The following SEMA4D variants were observed in gnomAD, a reference collection of about 807,000 sequenced individuals.
SEMA4D encodes semaphorin-4D.
In SEMA4D, 22 loss-of-function variants were observed where a neutral mutation model predicts 74.8. The observed-to-expected ratio is 0.29, with a 90% confidence interval of 0.21 to 0.42. The LOEUF (loss-of-function observed/expected upper bound fraction) is 0.42, where lower values mean the gene tolerates loss of function less well. Ranked by LOEUF, SEMA4D falls within the 10% of genes least tolerant of loss-of-function variation. The pLI, the probability that SEMA4D is intolerant of heterozygous loss-of-function variation, is 1.00. For synonymous variants in SEMA4D, 445 were observed against 463.7 expected, an observed-to-expected ratio of 0.96 and a Z score of 0.52; for missense variants, 937 against 1,118.4, an observed-to-expected ratio of 0.84 and a Z score of 2.31.
At chr9:89,463,110 C>T (rs1857754264) in intron 1 of SEMA4D, among the ~76,000 whole-genome samples, 1 of 151,990 alleles carries the variant, frequency 6.6e-6, no homozygotes, top group African/African-American at 2.4e-5. Flanking sequence ...ACTCTCTTCT[C>T]TGCATCCCAG....
At chr9:89,366,778 T>C (rs1833740023) in intron 16 of SEMA4D, among the ~76,000 whole-genome samples, 1 of 152,244 alleles carries the variant, frequency 6.6e-6, no homozygotes, top group African/African-American at 2.4e-5. Context: ...ACACTTTTCT[T>C]TGAACAGACA....
chr9:89,466,625 T>TCAAG (rs879854564), intron 1 of SEMA4D, among the ~76,000 whole-genome samples: 19,641 of 152,230 alleles, frequency 0.13, 1,335 homozygotes, highest in Middle Eastern at 0.22. Context: ...ATCACTCACC[T>TCAAG]GCATGTGCAC....
chr9:89,477,255 TACAC>T (rs61454447), intron 1 of SEMA4D, among the ~76,000 whole-genome samples: 3,792 of 148,470 alleles, frequency 0.026, 164 homozygotes, highest in African/African-American at 0.087. Flanking sequence ...TACATGCACG[TACAC>T]ACACACACAC....
At chr9:89,445,107 A>G (rs1379331131) in intron 2 of SEMA4D, among the ~76,000 whole-genome samples, 1 of 152,160 alleles carries the variant, frequency 6.6e-6, no homozygotes, top group Non-Finnish European at 1.5e-5. Context: ...GTCAGTTTAT[A>G]GTGTTTCATG....
In SEMA4D at chr9:89,377,397, C is replaced by A; in HGVS notation, c.*1307G>T. The A allele has an allele frequency of 5.1e-6, 1 of 194,732 alleles. No individual in the cohort carries two copies. Among genetic ancestry groups the A allele is most frequent in the Non-Finnish European group, 1.0e-5 (1 of 96,332 alleles). 12.1% of individuals were successfully genotyped at this position (194,732 alleles called of 1,614,324 possible). On this transcript the variant is annotated 3_prime_UTR_variant, in exon 16 of 16. Coordinates refer to ENST00000422704, the MANE Select transcript of SEMA4D (RefSeq NM_001371194.2). ...AAGACTGTCCACACACGCGCACAAA[C>A]ATCCAGAGTTTATTGCTCTTCACCA... is the stretch of plus-strand genomic sequence containing the variant.
At chr9:89,487,990 A>T (rs1001968301) in intron 1 of SEMA4D, among the ~76,000 whole-genome samples, 2 of 152,222 alleles carry the variant, frequency 1.3e-5, no homozygotes, top group Admixed American at 1.3e-4. Flanking sequence ...GAAACTGACA[A>T]ACTGATCTTA....
intron 16 of SEMA4D, among the ~76,000 whole-genome samples, chr9:89,370,257 TGTG>T (rs1370247889): frequency 1.3e-5 from 2 of 151,612 alleles, no homozygotes; most frequent in African/African-American, 2.4e-5. Flanking sequence ...ATGCACATGG[TGTG>T]TGTGTTGTGT....
At chr9:89,364,955 G>C (rs1259014997) in intron 16 of SEMA4D, 1 of 152,084 alleles carries the variant, frequency 6.6e-6, no homozygotes. Context: ...TTTGGGCGGG[G>C]GGGAGGGGCA....
Position 89,381,374 on chromosome 9 carries a change from G to T in SEMA4D, c.1447-28C>A. On this transcript the variant is annotated intron_variant, in intron 13 of 15. Transcript: ENST00000422704. This position sits in a 1 kb window ranked among gnomAD's most constrained non-coding sequence, Gnocchi z 4.6. ...GCGTGTATGAGACAGAGAAGAACTA[G>T]CATCAGGCAAGCAGGCATCCAGGAG... 6.9e-7 allele frequency: 1 copy of T among 1,451,340 alleles called. No individual in the cohort carries two copies. The highest frequency in any genetic ancestry group is 1.5e-5 in the South Asian group (1 of 68,552). 89.9% of individuals were successfully genotyped at this position (1,451,340 alleles called of 1,614,324 possible).
chr9:89,376,593 C>T, downstream of SEMA4D: 1 of 509,028 alleles, frequency 2.0e-6, no homozygotes, highest in South Asian at 3.4e-5. Flanking sequence ...AATATCTAGC[C>T]CTTTACAGAA....
intron 1 of SEMA4D, among the ~76,000 whole-genome samples, chr9:89,477,323 C>A (rs1485390585): frequency 4.6e-5 from 7 of 152,136 alleles, no homozygotes; most frequent in Non-Finnish European, 1.0e-4. Flanking sequence ...CCCACACACA[C>A]ACAAACACAC....
At chr9:89,392,898 T>C (rs1228144526) in intron 7 of SEMA4D, among the ~76,000 whole-genome samples, 1 of 152,142 alleles carries the variant, frequency 6.6e-6, no homozygotes, top group Non-Finnish European at 1.5e-5. Flanking sequence ...GGCTAATTTT[T>C]ACATTTTTTG....
intron 2 of SEMA4D, among the ~76,000 whole-genome samples, chr9:89,410,171 C>T (rs527654855): frequency 8.5e-5 from 13 of 152,218 alleles, no homozygotes; most frequent in East Asian, 3.9e-4. Context: ...AGAATGATGC[C>T]GCTGAACTGG....
intron 7 of SEMA4D, 149 bp downstream of exon 7, chr9:89,393,413 A>G: frequency 1.5e-6 from 1 of 647,766 alleles, no homozygotes; most frequent in Non-Finnish European, 2.8e-6. Flanking sequence ...TAAAGGGTCT[A>G]TGCAGTCACA....
chr9:89,405,257 G>C (rs1001686757), intron 3 of SEMA4D, 94 bp downstream of exon 3: 14 of 1,059,352 alleles, frequency 1.3e-5, no homozygotes, highest in Admixed American at 1.9e-5. Context: ...AGGAAGTGGG[G>C]TCCCTGTCCC....
chr9:89,402,682 CA>C (rs71358575), intron 4 of SEMA4D, among the ~76,000 whole-genome samples, 188 bp downstream of exon 4: 104,232 of 142,598 alleles, frequency 0.73, 38,946 homozygotes, highest in Non-Finnish European at 0.86. Context: ...ATAAAAAGTT[CA>C]AAAAAAAAAA....
chr9:89,388,223 G>A (rs2133071096), intron 11 of SEMA4D, among the ~76,000 whole-genome samples: 1 of 152,286 alleles, frequency 6.6e-6, no homozygotes, highest in East Asian at 1.9e-4. Flanking sequence ...ATTTCCCCAT[G>A]TGAGGGAAGG....
chr9:89,461,719 T>TTTTTTG (rs1564876567), intron 1 of SEMA4D, among the ~76,000 whole-genome samples: 1 of 120,472 alleles, frequency 8.3e-6, no homozygotes, highest in African/African-American at 3.4e-5. Flanking sequence ...TTTTTTTTTT[T>TTTTTTG]GGAGACAGAG....
chr9:89,497,562 A>C (rs7861472), intron 1 of SEMA4D: 152,209 of 152,210 alleles, frequency 1, 76,104 homozygotes, highest in Non-Finnish European at 1. Flanking sequence ...TGGCCCGGGT[A>C]TGCAGCGCGC....
Sources: gnomAD v4.1 joint callset for allele counts (sites outside exome capture counted in the v4.1 genomes callset) on GRCh38, gnomAD v4.1.1 for gene constraint, Gnocchi (gnomAD v3.1) non-coding constraint, MANE v1.5 for transcripts, NCBI Gene and HGNC (gene_info 2026-07-23, HGNC 2026-07-21) for gene names.